Variants in CCDC91 observed in about 807,000 individuals in gnomAD.
CCDC91 encodes the protein coiled-coil domain-containing protein 91.
In CCDC91, 48 loss-of-function variants were observed where a neutral mutation model predicts 63.2. The observed-to-expected ratio is 0.76, with a 90% CI of 0.60 to 0.97. The LOEUF is 0.97. Ranked by LOEUF, CCDC91 falls within the 50% of genes least tolerant of loss-of-function variation. The probability of loss-of-function intolerance (pLI) is 0.00; values close to 1 mark genes in which losing one functional copy is unlikely to be tolerated. For synonymous variants in CCDC91, 167 were observed against 165.8 expected (o/e 1.01, Z -0.06); for missense variants, 500 against 494.6 (o/e 1.01, Z -0.10).
At chr12:28,323,491 T>C (rs1464955012) in intron 6 of CCDC91, among the ~76,000 whole-genome samples, 2 of 151,908 alleles carry the variant, frequency 1.3e-5, no homozygotes, top group Non-Finnish European at 2.9e-5. Context: ...TTGATATGTG[T>C]CTGTGTATTC....
intron 1 of CCDC91, among the ~76,000 whole-genome samples, chr12:28,240,830 C>T (rs1264055913): frequency 2.6e-5 from 4 of 152,130 alleles, no homozygotes; most frequent in Non-Finnish European, 4.4e-5. Flanking sequence ...TATGAACAAT[C>T]ATGTACTGAT....
intron 3 of CCDC91, among the ~76,000 whole-genome samples, chr12:28,270,473 T>C (rs1947687744): frequency 6.6e-6 from 1 of 152,134 alleles, no homozygotes; most frequent in South Asian, 2.1e-4. Flanking sequence ...AATACTGTAA[T>C]CAAATATTAC....
chr12:28,512,572 A>C (rs2141295769), intron 12 of CCDC91, among the ~76,000 whole-genome samples: 1 of 151,908 alleles, frequency 6.6e-6, no homozygotes, highest in East Asian at 2.0e-4. Flanking sequence ...ACACAGCTTC[A>C]CCCATTTATT....
At chr12:28,320,529 T>C (rs866907680) in intron 6 of CCDC91, among the ~76,000 whole-genome samples, 1 of 151,926 alleles carries the variant, frequency 6.6e-6, no homozygotes, top group Non-Finnish European at 1.5e-5. Flanking sequence ...ATGTATTTAC[T>C]GTATTTCCCA....
intron 1 of CCDC91, among the ~76,000 whole-genome samples, chr12:28,223,297 GTGATGC>G (rs1944067888): frequency 1.3e-5 from 2 of 152,078 alleles, no homozygotes; most frequent in African/African-American, 4.8e-5. Flanking sequence ...TGGACAGTTG[GTGATGC>G]TGAGGGTCAA....
intron 7 of CCDC91, among the ~76,000 whole-genome samples, chr12:28,375,165 G>A (rs1482548325): frequency 3.3e-5 from 5 of 151,632 alleles, no homozygotes; most frequent in South Asian, 4.2e-4. Context: ...TTCTTCTTCA[G>A]TAAGTGATGG....
At chr12:28,299,166 T>C (rs1426112034) in intron 3 of CCDC91, among the ~76,000 whole-genome samples, 1 of 151,630 alleles carries the variant, frequency 6.6e-6, no homozygotes, top group Non-Finnish European at 1.5e-5. Context: ...TTTTTTATTA[T>C]ATAATTTCCC....
intron 3 of CCDC91, among the ~76,000 whole-genome samples, chr12:28,273,549 G>A (rs1374633515): frequency 6.6e-6 from 1 of 151,922 alleles, no homozygotes; most frequent in African/African-American, 2.4e-5. Context: ...GTGTGAGATG[G>A]TATCTCATTA....
At chr12:28,368,520 T>A (rs1944415102) in intron 7 of CCDC91, among the ~76,000 whole-genome samples, 1 of 152,246 alleles carries the variant, frequency 6.6e-6, no homozygotes, top group African/African-American at 2.4e-5. Context: ...ATCTGCCTAA[T>A]TTTTCTAGCC....
chr12:28,350,626 T>C (rs1317702219), intron 6 of CCDC91, among the ~76,000 whole-genome samples: 2 of 152,184 alleles, frequency 1.3e-5, no homozygotes, highest in African/African-American at 4.8e-5. Flanking sequence ...TGGATTGAAA[T>C]ACAGGAAATC....
chr12:28,530,028 A>G (rs1941604621), intron 12 of CCDC91, among the ~76,000 whole-genome samples: 1 of 152,210 alleles, frequency 6.6e-6, no homozygotes, highest in African/African-American at 2.4e-5. Flanking sequence ...AGAAACTGTG[A>G]CAGATTGTAT....
At position 28,472,901 on chromosome 12, in the gene CCDC91, G is replaced by A. The variant is rs114765176; in HGVS notation, c.1102-11151G>A. 6.1e-3 allele frequency among the ~76,000 whole-genome samples: 924 copies of A among 152,178 alleles called. 13 individuals are homozygous for A. The highest frequency in any genetic ancestry group is 0.021 in the African/African-American group (860 of 41,538). ...CTTGCATCCATGTCTGGAACTTCTG[G>A]AACTGTAGTTTGAGTTCATAAATTT... On this transcript the variant is annotated intron_variant, in intron 11 of 12. Coordinates refer to ENST00000536442, the MANE Select transcript of CCDC91 (RefSeq NM_018318.5).
rs528417103 is a variant in CCDC91 at position 28,391,015 on chromosome 12, A to G, written c.655-289A>G. ...TCACTGAACCAAATTTATATTTAAC[A>G]GAACTACTCACCCTCTCTATCATCT... On this transcript the variant is annotated intron_variant, in intron 7 of 12. Coordinates refer to ENST00000536442, the MANE Select transcript of CCDC91 (RefSeq NM_018318.5). Among the ~76,000 whole-genome samples the G allele has an allele frequency of 1.0e-4, 15 of 150,720 alleles. No homozygotes were observed. The East Asian group carries it at 1.2e-3, about 12-fold the overall frequency.
chr12:28,216,638 A>T (rs1336168185), intron 1 of CCDC91, among the ~76,000 whole-genome samples: 14 of 149,390 alleles, frequency 9.4e-5, no homozygotes, highest in African/African-American at 3.4e-4. Context: ...TTCTTTTTAT[A>T]TAGTTATATA....
At chr12:28,235,015 G>A (rs1048152638) in intron 1 of CCDC91, among the ~76,000 whole-genome samples, 1 of 152,122 alleles carries the variant, frequency 6.6e-6, no homozygotes, top group African/African-American at 2.4e-5. Flanking sequence ...GTTTGATTAG[G>A]TGTTTTCTGT....
At chr12:28,350,003 C>T (rs548756991) in intron 6 of CCDC91, among the ~76,000 whole-genome samples, 3 of 152,276 alleles carry the variant, frequency 2.0e-5, no homozygotes, top group African/African-American at 4.8e-5. Flanking sequence ...GGGTTTTCTG[C>T]AGTATTATTG....
intron 1 of CCDC91, among the ~76,000 whole-genome samples, chr12:28,192,154 C>T (rs11049418): frequency 0.21 from 31,169 of 151,860 alleles, 4,163 homozygotes; most frequent in Non-Finnish European, 0.3. Flanking sequence ...AAAATCATTC[C>T]AGAGGGACAT....
intron 1 of CCDC91, among the ~76,000 whole-genome samples, chr12:28,195,626 A>C (rs1941702528): frequency 6.6e-6 from 1 of 152,132 alleles, no homozygotes; most frequent in Non-Finnish European, 1.5e-5. Context: ...TGAGTCCTCC[A>C]ACTTTGTTGT....
At chr12:28,296,387 G>A (rs917515885) in intron 3 of CCDC91, among the ~76,000 whole-genome samples, 2 of 151,744 alleles carry the variant, frequency 1.3e-5, no homozygotes, top group Non-Finnish European at 2.9e-5. Flanking sequence ...CCTCAAAGAA[G>A]CGAGTAGAGG....
Sources: allele counts gnomAD v4.1 joint callset (sites outside exome capture counted in the v4.1 genomes callset), GRCh38; gene constraint gnomAD v4.1.1; transcripts MANE v1.5; gene names NCBI Gene and HGNC (gene_info 2026-07-23, HGNC 2026-07-21).